Variants in TMEM156 observed in about 807,000 individuals in gnomAD.
TMEM156 encodes transmembrane protein 156.
In TMEM156, 28 loss-of-function variants were observed where a neutral mutation model predicts 30.5. The ratio of observed to expected loss-of-function variants is 0.92; its 90% CI spans 0.68 to 1.26. TMEM156 has a LOEUF of 1.26. Among genes scored for constraint, TMEM156 ranks in the 50% most tolerant of loss-of-function variants. The pLI, the probability that TMEM156 is intolerant of heterozygous loss-of-function variation, is 0.00. For synonymous variants in TMEM156, 137 were observed against 119.9 expected (o/e 1.14, Z -0.93); for missense variants, 351 against 340.6 (o/e 1.03, Z -0.24).
At chr4:39,023,224 G>C (rs1330368585) in intron 1 of TMEM156, among the ~76,000 whole-genome samples, 2 of 152,190 alleles carry the variant, frequency 1.3e-5, no homozygotes, top group African/African-American at 4.8e-5. Flanking sequence ...ACTGGTCTTG[G>C]ATTTCCAAAC....
intron 5 of TMEM156, among the ~76,000 whole-genome samples, chr4:38,979,145 T>C (rs188345390): frequency 7.2e-5 from 11 of 152,368 alleles, no homozygotes; most frequent in East Asian, 3.9e-4. Flanking sequence ...AACTGCATTA[T>C]ACAATGGATC....
chr4:38,971,258 A>G, intron 5 of TMEM156, 121 bp from the exon 6 acceptor site: 1 of 858,878 alleles, frequency 1.2e-6, no homozygotes, highest in South Asian at 1.7e-5. Context: ...GGATTTTGGG[A>G]CTTTCTACCC....
chr4:39,011,629 C>A (rs1714125874), intron 1 of TMEM156, among the ~76,000 whole-genome samples: 1 of 152,054 alleles, frequency 6.6e-6, no homozygotes, highest in South Asian at 2.1e-4. Context: ...CAAAAATTAG[C>A]CAGGCATGGT....
intron 3 of TMEM156, among the ~76,000 whole-genome samples, chr4:38,992,892 C>G (rs79895146): frequency 0.36 from 53,531 of 149,290 alleles, 10,227 homozygotes; most frequent in East Asian, 0.64. Context: ...CTCACAAGTA[C>G]CTGGGACTAC....
At chr4:38,983,931 G>A (rs994404629) in intron 5 of TMEM156, among the ~76,000 whole-genome samples, 1 of 152,124 alleles carries the variant, frequency 6.6e-6, no homozygotes, top group African/African-American at 2.4e-5. Flanking sequence ...TCCCTTGAGG[G>A]TTTGCGAGAT....
Position 39,002,245 on chromosome 4 carries a change from AAAG to A in TMEM156, c.89-3339_89-3337del, listed in dbSNP as rs546648250. Among the ~76,000 whole-genome samples the A allele has an allele frequency of 5.3e-5, 8 of 152,094 alleles. No homozygotes were observed. The South Asian group carries it at 1.7e-3, about 32-fold the overall frequency. On this transcript the variant is annotated intron_variant, in intron 1 of 6. Transcript: ENST00000381938. ...GAAGGACATGAACAGACACTTCTCA[AAAG>A]AAGACATTTATGCAGCCAAAAAACA...
chr4:39,010,127 C>A (rs1714010498), intron 1 of TMEM156, among the ~76,000 whole-genome samples: 1 of 152,128 alleles, frequency 6.6e-6, no homozygotes, highest in South Asian at 2.1e-4. Context: ...ATGAAGAATG[C>A]AATCCCATTT....
intron 5 of TMEM156, among the ~76,000 whole-genome samples, chr4:38,985,683 T>C (rs923844158): frequency 1.2e-4 from 18 of 152,156 alleles, no homozygotes; most frequent in African/African-American, 4.3e-4. Context: ...AATTCTGTGG[T>C]TTTCACGGTC....
chr4:39,011,136 C>A (rs1417562357), intron 1 of TMEM156, among the ~76,000 whole-genome samples: 2 of 152,060 alleles, frequency 1.3e-5, no homozygotes, highest in African/African-American at 2.4e-5. Flanking sequence ...ATCCAAGCAG[C>A]CAACAAATAT....
At chr4:38,987,455 A>G (rs944787824) in intron 4 of TMEM156, among the ~76,000 whole-genome samples, 1 of 152,250 alleles carries the variant, frequency 6.6e-6, no homozygotes, top group African/African-American at 2.4e-5. Flanking sequence ...TAAGGTATCA[A>G]TGATAACACT....
chr4:38,974,260 A>T (rs2109865667), intron 5 of TMEM156, among the ~76,000 whole-genome samples: 1 of 137,772 alleles, frequency 7.3e-6, no homozygotes, highest in South Asian at 2.2e-4. Context: ...GTTGGAGTAT[A>T]GTGGTGCCAT....
chr4:39,009,367 G>A (rs1311094663), intron 1 of TMEM156, among the ~76,000 whole-genome samples: 2 of 152,020 alleles, frequency 1.3e-5, no homozygotes, highest in African/African-American at 4.8e-5. Context: ...AAAAAATTGA[G>A]GAGAAAGGAT....
At chr4:38,991,943 C>T (rs1478018789) in intron 3 of TMEM156, among the ~76,000 whole-genome samples, 1 of 152,140 alleles carries the variant, frequency 6.6e-6, no homozygotes, top group African/African-American at 2.4e-5. Flanking sequence ...GATCCTCTTC[C>T]ATAGCCCCCA....
intron 1 of TMEM156, among the ~76,000 whole-genome samples, chr4:39,024,343 G>T (rs1254702091): frequency 1.3e-5 from 2 of 152,124 alleles, no homozygotes; most frequent in African/African-American, 4.8e-5. Context: ...CCGAGCCAGA[G>T]GAATCTTTAC....
intron 5 of TMEM156, among the ~76,000 whole-genome samples, chr4:38,971,581 G>T (rs1399033995): frequency 6.6e-6 from 1 of 152,136 alleles, no homozygotes; most frequent in Non-Finnish European, 1.5e-5. Flanking sequence ...GCTCATGACT[G>T]TATGACTTTT....
Position 39,032,303 on chromosome 4 carries a change from G to A in TMEM156, c.11C>T (p.Thr4Ile), listed in dbSNP as rs754039166. The A allele has an allele frequency of 1.9e-6, 3 of 1,605,866 alleles. No homozygotes were observed. Among genetic ancestry groups the A allele is most frequent in the Non-Finnish European group, 2.6e-6 (3 of 1,174,578 alleles). MTK[T>I]ALLKLFVAIV... ...TGCCACAAATAATTTAAGGAGGGCT[G>A]TTTTTGTCATGTCTCTTCACATGAC... Residue 4 changes from threonine (T) to isoleucine (I), a missense_variant, in exon 1 of 7, where the codon ACA becomes ATA. Transcript: ENST00000381938.
chr4:39,007,764 T>C (rs1336740143), intron 1 of TMEM156, among the ~76,000 whole-genome samples: 1 of 152,136 alleles, frequency 6.6e-6, no homozygotes, highest in African/African-American at 2.4e-5. Flanking sequence ...GCCCTTTCTG[T>C]CTATTTATGT....
chr4:39,009,158 A>G (rs1713939681), intron 1 of TMEM156, among the ~76,000 whole-genome samples: 1 of 152,122 alleles, frequency 6.6e-6, no homozygotes, highest in South Asian at 2.1e-4. Flanking sequence ...GAAAATGGAT[A>G]AATTTCTGGA....
intron 6 of TMEM156, among the ~76,000 whole-genome samples, chr4:38,970,221 T>C (rs530614174): frequency 5.3e-5 from 8 of 152,166 alleles, no homozygotes; most frequent in Admixed American, 1.3e-4. Context: ...TCTTTCCCCT[T>C]TAGTCTTAAA....
Sources: allele counts gnomAD v4.1 joint callset (sites outside exome capture counted in the v4.1 genomes callset), GRCh38; gene constraint gnomAD v4.1.1; transcripts MANE v1.5; gene names NCBI Gene and HGNC (gene_info 2026-07-23, HGNC 2026-07-21).